Variants in TMX4 observed in about 807,000 individuals in gnomAD.
TMX4 encodes the protein thioredoxin-related transmembrane protein 4.
Under a neutral mutation model 33.3 loss-of-function variants are expected in TMX4, and 23 were observed. The observed-to-expected ratio is 0.69, with a 90% confidence interval of 0.50 to 0.98. TMX4 has a LOEUF of 0.98. Ranked by LOEUF, TMX4 falls within the 50% of genes least tolerant of loss-of-function variation. TMX4 has a pLI of 0.00. For synonymous variants in TMX4, 164 were observed against 161.5 expected (o/e 1.02, Z -0.12); for missense variants, 399 against 448.9 (o/e 0.89, Z 1.01).
At chr20:8,017,373 A>G (rs750685202) in intron 1 of TMX4, among the ~76,000 whole-genome samples, 1 of 152,238 alleles carries the variant, frequency 6.6e-6, no homozygotes, top group Non-Finnish European at 1.5e-5. Flanking sequence ...ATCTGGCATC[A>G]CAGGCCAAGC....
At chr20:8,000,722 T>G (rs2050702458) in intron 3 of TMX4, among the ~76,000 whole-genome samples, 1 of 152,148 alleles carries the variant, frequency 6.6e-6, no homozygotes, top group Non-Finnish European at 1.5e-5. Context: ...TTTACCTCAA[T>G]GCTGAGGAAT....
chr20:7,990,243 T>C (rs2050648631), intron 5 of TMX4, among the ~76,000 whole-genome samples: 1 of 151,094 alleles, frequency 6.6e-6, no homozygotes. Context: ...TGCAGTGAGC[T>C]GAGATCGCCC....
intron 2 of TMX4, among the ~76,000 whole-genome samples, chr20:8,006,964 A>G (rs2050733575): frequency 1.3e-5 from 2 of 152,036 alleles, no homozygotes; most frequent in East Asian, 3.9e-4. Flanking sequence ...AAAAGGTTTC[A>G]CCACATTGGC....
At chr20:7,993,625 T>A (rs1259699725) in intron 5 of TMX4, among the ~76,000 whole-genome samples, 1 of 152,120 alleles carries the variant, frequency 6.6e-6, no homozygotes, top group Non-Finnish European at 1.5e-5. Context: ...AAGGGCCACA[T>A]TCTAGAAACA....
At chr20:7,988,791 G>A (rs778463776) in intron 5 of TMX4, among the ~76,000 whole-genome samples, 13 of 152,116 alleles carry the variant, frequency 8.5e-5, no homozygotes, top group African/African-American at 1.4e-4. Flanking sequence ...TTGGGAGGCC[G>A]AGGCGGGCAG....
chr20:7,989,630 T>G (rs946717727), intron 5 of TMX4, among the ~76,000 whole-genome samples: 25 of 152,196 alleles, frequency 1.6e-4, no homozygotes, highest in African/African-American at 6.0e-4. Context: ...TAGTAACTAT[T>G]CATTAATCAG....
At chr20:8,011,015 C>T (rs2050750767) in intron 1 of TMX4, among the ~76,000 whole-genome samples, 1 of 151,978 alleles carries the variant, frequency 6.6e-6, no homozygotes, top group Non-Finnish European at 1.5e-5. Context: ...GTGGACGGTA[C>T]AATCCAGAAA....
chr20:8,008,026 T>C (rs2050737781), intron 2 of TMX4, among the ~76,000 whole-genome samples: 1 of 152,276 alleles, frequency 6.6e-6, no homozygotes, highest in South Asian at 2.1e-4. Context: ...GGCCTGTTTA[T>C]GGTAGAAACT....
intron 2 of TMX4, among the ~76,000 whole-genome samples, chr20:8,008,063 C>A (rs186695823): frequency 2.1e-4 from 32 of 152,288 alleles, no homozygotes; most frequent in Middle Eastern, 6.8e-3. Flanking sequence ...AAACACGTTA[C>A]TTCTAATCGC....
At chr20:7,988,606 G>T (rs533954664) in intron 5 of TMX4, among the ~76,000 whole-genome samples, 1 of 152,204 alleles carries the variant, frequency 6.6e-6, no homozygotes, top group African/African-American at 2.4e-5. Context: ...AGGAAAAGAT[G>T]CATCAAATGC....
At chr20:7,982,751 T>C in intron 7 of TMX4, 130 bp from the exon 8 acceptor site, 2 of 1,037,244 alleles carry the variant, frequency 1.9e-6, no homozygotes, top group South Asian at 1.6e-5. Flanking sequence ...ACTATGGTCA[T>C]ATAGGACAGA....
intron 6 of TMX4, among the ~76,000 whole-genome samples, chr20:7,987,021 T>C (rs1241415419): frequency 6.5e-5 from 9 of 138,860 alleles, no homozygotes; most frequent in South Asian, 2.2e-4. Context: ...TAAGGTCTCT[T>C]TTTTTTTTTT....
intron 2 of TMX4, among the ~76,000 whole-genome samples, chr20:8,008,531 C>T (rs2050739708): frequency 6.6e-6 from 1 of 152,042 alleles, no homozygotes; most frequent in African/African-American, 2.4e-5. Flanking sequence ...GAAGGAAAGA[C>T]TATATTTAAT....
At position 7,992,645 on chromosome 20, in the gene TMX4, T is replaced by C. The variant is rs147036087; in HGVS notation, c.513+3381A>G. ...CAAACCAAACCAACTCCTGAGTTGATAGGAATTCGGCCATGTGAGTGTCTC... is the reference window on the plus strand; with the variant it reads ...CAAACCAAACCAACTCCTGAGTTGACAGGAATTCGGCCATGTGAGTGTCTC... On this transcript the variant is annotated intron_variant, in intron 5 of 7. Coordinates refer to ENST00000246024, the MANE Select transcript of TMX4 (RefSeq NM_021156.4). Among the ~76,000 whole-genome samples, 179 of 152,262 alleles carry C rather than the reference T, an allele frequency of 1.2e-3. 2 individuals carry two copies. Among genetic ancestry groups the C allele is most frequent in the African/African-American group, 4.2e-3 (173 of 41,560 alleles).
chr20:8,019,738 T>C lies in TMX4; in HGVS notation c.-125A>G, dbSNP rs367843983. The C allele has an allele frequency of 3.5e-6, 3 of 858,076 alleles. No individual in the cohort carries two copies. The highest frequency in any genetic ancestry group is 3.5e-5 in the East Asian group (1 of 28,968). The allele number at this position is 858,076 out of a possible 1,614,324, so 53.2% of individuals were successfully genotyped here. A position where few individuals can be genotyped will look rare whatever the true frequency, so the allele number is the denominator to read the frequency against. The stretch of plus-strand genomic sequence containing the variant: ...ACGCAAGGGCCACCCCGCCTACGCC[T>C]AGCGGCGCAGACTGGCGGTGCTCGC... On this transcript the variant is annotated 5_prime_UTR_variant, in exon 1 of 8. Transcript: ENST00000246024.
Position 8,006,133 on chromosome 20 carries a change from C to T in TMX4, c.292+4067G>A, listed in dbSNP as rs578121409. Among the ~76,000 whole-genome samples, 10 of 149,842 alleles carry T rather than the reference C, an allele frequency of 6.7e-5. No homozygotes were observed. In the East Asian group the frequency reaches 1.8e-3, roughly 27 times the overall value. On this transcript the variant is annotated intron_variant, in intron 2 of 7. Transcript: ENST00000246024. ...TCACCCCTTTATGCTGCCGTGGGAT[C>T]GGAGCCCCACAGCCTGCCCGTCTGC...
In TMX4 at chr20:8,019,598, A is replaced by G. The variant is rs1600151973; in HGVS notation, c.16T>C (p.Cys6Arg). MAGGR[C>R]GPQLTALLAA... ...AGGAGCGCCGTTAGCTGCGGGCCGC[A>G]GCGCCCACCCGCCATGTTGGGCGCC... The change falls in exon 1 of 8, where the codon TGC becomes CGC. Residue 6 changes from cysteine (C) to arginine (R), a missense_variant. By Grantham distance (180) the Cys-to-Arg change is radical. Transcript: ENST00000246024. The G allele has an allele frequency of 3.0e-6, 4 of 1,350,826 alleles. No homozygotes were observed. The highest frequency in any genetic ancestry group is 3.8e-6 in the Non-Finnish European group (4 of 1,054,090). The allele number at this position is 1,350,826 out of a possible 1,614,324, so 83.7% of individuals were successfully genotyped here.
In TMX4 at chr20:8,000,967, T is replaced by C. The variant is rs568968486; in HGVS notation, c.338+529A>G. 5.9e-5 allele frequency among the ~76,000 whole-genome samples: 9 copies of C among 152,314 alleles called. No individual in the cohort carries two copies. The South Asian group carries it at 1.7e-3, about 28-fold the overall frequency. On this transcript the variant is annotated intron_variant, in intron 3 of 7. Transcript: ENST00000246024. ...GTTGGTAGTCATCATAGACTCTTCC[T>C]TCCCACAGCTAATCAGTCACCAAGT...
At chr20:8,008,653 G>A (rs1442619126) in intron 2 of TMX4, among the ~76,000 whole-genome samples, 1 of 152,100 alleles carries the variant, frequency 6.6e-6, no homozygotes, top group Non-Finnish European at 1.5e-5. Context: ...TTGACCAGCT[G>A]CATTTTTAAG....
Sources: gnomAD v4.1 joint callset for allele counts (sites outside exome capture counted in the v4.1 genomes callset) on GRCh38, gnomAD v4.1.1 for gene constraint, MANE v1.5 for transcripts, NCBI Gene and HGNC (gene_info 2026-07-23, HGNC 2026-07-21) for gene names.